The following FMNL2 variants were observed in gnomAD, a reference collection of about 807,000 sequenced individuals.
FMNL2 encodes the protein formin-like protein 2.
FMNL2 carries 51 observed loss-of-function variants against 130.2 expected under a neutral mutation model. The ratio of observed to expected loss-of-function variants is 0.39; its 90% CI spans 0.31 to 0.49. The LOEUF is 0.49. FMNL2 is among the 20% of genes least tolerant of loss of function. FMNL2 has a pLI of 0.85. For synonymous variants in FMNL2, 465 were observed against 467.1 expected (o/e 1.00, Z 0.06); for missense variants, 977 against 1,316.2 (o/e 0.74, Z 3.99).
chr2:152,445,471 G>T (rs1352618785), intron 1 of FMNL2, among the ~76,000 whole-genome samples: 1 of 152,232 alleles, frequency 6.6e-6, no homozygotes, highest in South Asian at 2.1e-4. Flanking sequence ...TGCTGAGTTA[G>T]TGAGTGTTGA....
intron 1 of FMNL2, among the ~76,000 whole-genome samples, chr2:152,356,570 C>CT (rs1682795304): frequency 6.6e-6 from 1 of 152,216 alleles, no homozygotes; most frequent in African/African-American, 2.4e-5. Flanking sequence ...TAATACAGTG[C>CT]TTTTATGGTC....
intron 1 of FMNL2, among the ~76,000 whole-genome samples, chr2:152,336,430 C>A (rs993379199): frequency 1.5e-4 from 23 of 152,202 alleles, no homozygotes; most frequent in African/African-American, 5.1e-4. Flanking sequence ...TTTGCGGGGA[C>A]GTGTTGCGAG....
At chr2:152,642,306 A>T (rs919476733) in intron 25 of FMNL2, among the ~76,000 whole-genome samples, 5 of 152,148 alleles carry the variant, frequency 3.3e-5, no homozygotes, top group East Asian at 3.9e-4. Context: ...AAAACCACAA[A>T]TTTTTTTCTC....
At chr2:152,548,878 G>A in intron 3 of FMNL2, 143 bp from the exon 4 acceptor site, 1 of 632,206 alleles carries the variant, frequency 1.6e-6, no homozygotes, top group Non-Finnish European at 2.7e-6. Context: ...AGGAAAATTT[G>A]TGTGCTCTGC....
chr2:152,619,134 C>G lies in FMNL2; in HGVS notation c.1603C>G (p.Pro535Ala). Residue 535 changes from proline (P) to alanine (A), a missense_variant, in exon 14 of 26, where the codon CCC (proline) becomes GCC (alanine). Physicochemically the swap from Pro to Ala is conservative, Grantham distance 27 (BLOSUM62 -1). This residue lies in a region of FMNL2 where 689 missense variants were observed against 995.9 expected (regional missense o/e 0.69). Coordinates refer to ENST00000288670, the MANE Select transcript of FMNL2 (RefSeq NM_052905.4). ...PLPPPPPPLP[P>A]SSDTPETVQN... Reference sequence around the variant, plus strand: ...GCCCCCTCCTCCACCACCACTGCCTCCCTCATCAGACACACCTGAAACAGG... The same window carrying G: ...GCCCCCTCCTCCACCACCACTGCCTGCCTCATCAGACACACCTGAAACAGG... 2 of 1,585,286 alleles carry G rather than the reference C, an allele frequency of 1.3e-6. No individual in the cohort carries two copies. Among genetic ancestry groups the G allele is most frequent in the Non-Finnish European group, 1.7e-6 (2 of 1,165,662 alleles).
At chr2:152,585,109 A>G (rs934526991) in intron 9 of FMNL2, among the ~76,000 whole-genome samples, 2 of 152,360 alleles carry the variant, frequency 1.3e-5, no homozygotes, top group Admixed American at 6.5e-5. Flanking sequence ...TGTATTGAGT[A>G]GATGAAGACT....
chr2:152,386,158 G>A (rs1319366083), intron 1 of FMNL2, among the ~76,000 whole-genome samples: 3 of 152,162 alleles, frequency 2.0e-5, no homozygotes, highest in Non-Finnish European at 4.4e-5. Context: ...CTTTCTCCTA[G>A]CATACCCTGC....
chr2:152,549,199 A>C, intron 4 of FMNL2, 102 bp downstream of exon 4: 3 of 735,776 alleles, frequency 4.1e-6, no homozygotes, highest in Non-Finnish European at 6.2e-6. Flanking sequence ...GGCCATTATA[A>C]ATTAAAAGAC....
chr2:152,471,577 G>A (rs1047591152), intron 1 of FMNL2, among the ~76,000 whole-genome samples: 1 of 152,220 alleles, frequency 6.6e-6, no homozygotes, highest in African/African-American at 2.4e-5. Flanking sequence ...GCCTGGTTCT[G>A]TAGCAGCCCC....
At chr2:152,417,267 G>GTGTC in intron 1 of FMNL2, among the ~76,000 whole-genome samples, 1 of 152,314 alleles carries the variant, frequency 6.6e-6, no homozygotes, top group East Asian at 1.9e-4. Context: ...TGATTGAGAG[G>GTGTC]TGTCTGTTGG....
chr2:152,385,082 C>G (rs915030536), intron 1 of FMNL2, among the ~76,000 whole-genome samples: 22 of 152,162 alleles, frequency 1.4e-4, no homozygotes, highest in Non-Finnish European at 3.1e-4. Flanking sequence ...TCTAGAGGCT[C>G]CAGGGAGACA....
At chr2:152,606,347 G>A (rs1698353828) in intron 9 of FMNL2, among the ~76,000 whole-genome samples, 1 of 152,220 alleles carries the variant, frequency 6.6e-6, no homozygotes, top group African/African-American at 2.4e-5. Context: ...GAATAAACCA[G>A]TGGGTATAGG....
chr2:152,570,390 T>C (rs758373260), intron 6 of FMNL2, among the ~76,000 whole-genome samples: 22 of 152,180 alleles, frequency 1.4e-4, no homozygotes, highest in Admixed American at 6.6e-5. Context: ...TTTGGTGCTG[T>C]TAGTTTCCGT....
chr2:152,469,353 C>G (rs1269297620), intron 1 of FMNL2, among the ~76,000 whole-genome samples: 2 of 152,194 alleles, frequency 1.3e-5, no homozygotes. Context: ...TTGGGACACC[C>G]CATGCCTTGA....
intron 9 of FMNL2, among the ~76,000 whole-genome samples, chr2:152,589,997 G>GTATGTATATA (rs1558988503): frequency 1.5e-5 from 1 of 65,974 alleles, no homozygotes; most frequent in African/African-American, 6.2e-5. Flanking sequence ...ATATGTATAT[G>GTATGTATATA]TATATATATA....
chr2:152,543,084 G>C (rs1024302728), intron 3 of FMNL2, among the ~76,000 whole-genome samples: 1 of 152,286 alleles, frequency 6.6e-6, no homozygotes, highest in Admixed American at 6.5e-5. Flanking sequence ...AATTACGTAG[G>C]GCAGTGAGTG....
intron 1 of FMNL2, among the ~76,000 whole-genome samples, chr2:152,429,388 GTGGAGCATGAAC>G (rs1022861696): frequency 6.6e-6 from 1 of 152,146 alleles, no homozygotes; most frequent in African/African-American, 2.4e-5. Context: ...GCTGTGGGAA[GTGGAGCATGAAC>G]TGGAAATAAC....
intron 1 of FMNL2, among the ~76,000 whole-genome samples, chr2:152,520,314 C>G (rs1398003062): frequency 6.6e-6 from 1 of 152,024 alleles, no homozygotes; most frequent in African/African-American, 2.4e-5. Context: ...ATATTTTAGG[C>G]CAGGCATGGT....
chr2:152,626,209 G>C (rs1333128624), intron 16 of FMNL2, among the ~76,000 whole-genome samples: 1 of 151,966 alleles, frequency 6.6e-6, no homozygotes, highest in Non-Finnish European at 1.5e-5. Flanking sequence ...GCTATTCTTT[G>C]TGTTTTTAGT....
Sources: allele counts gnomAD v4.1 joint callset (sites outside exome capture counted in the v4.1 genomes callset), GRCh38; gene constraint gnomAD v4.1.1; regional missense constraint gnomAD v4.1.1; transcripts MANE v1.5; gene names NCBI Gene and HGNC (gene_info 2026-07-23, HGNC 2026-07-21).